Variants in SSBP2 observed in about 807,000 individuals in gnomAD.
SSBP2 encodes the protein single stranded DNA binding protein 2, also known as single-stranded DNA-binding protein 2.
SSBP2 carries 17 observed loss-of-function variants against 61.8 expected under a neutral mutation model. That is an observed-to-expected ratio of 0.28 (90% CI 0.19 to 0.41). The LOEUF (loss-of-function observed/expected upper bound fraction) is 0.41, where lower values mean the gene tolerates loss of function less well. SSBP2 is among the 10% of genes least tolerant of loss of function. The probability of loss-of-function intolerance (pLI) is 1.00; values close to 1 mark genes in which losing one functional copy is unlikely to be tolerated. For synonymous variants in SSBP2, 139 were observed against 141.3 expected (o/e 0.98, Z 0.12); for missense variants, 310 against 458.7 (o/e 0.68, Z 2.96).
At chr5:81,684,865 G>T (rs1167100272) in intron 1 of SSBP2, among the ~76,000 whole-genome samples, 9 of 152,098 alleles carry the variant, frequency 5.9e-5, no homozygotes, top group Non-Finnish European at 1.2e-4. Flanking sequence ...AGGGATAATT[G>T]TATTTAGCAA....
At position 81,656,455 on chromosome 5, in the gene SSBP2, A is replaced by C. The variant is rs370742415; in HGVS notation, c.63-6116T>G. On this transcript the variant is annotated intron_variant, in intron 1 of 16. Coordinates refer to ENST00000320672, the MANE Select transcript of SSBP2 (RefSeq NM_012446.5). ...AATAAAGGACATAACATATAGCCTT[A>C]TGTCAAGGCTAATATGTTTAATATA... is the stretch of plus-strand genomic sequence containing the variant. Among the ~76,000 whole-genome samples the C allele has an allele frequency of 3.9e-5, 6 of 152,348 alleles. No homozygotes were observed. The South Asian group carries it at 6.2e-4, about 16-fold the overall frequency.
intron 1 of SSBP2, among the ~76,000 whole-genome samples, chr5:81,677,228 A>G (rs112819084): frequency 3.9e-4 from 60 of 152,316 alleles, no homozygotes; most frequent in Non-Finnish European, 6.5e-4. Context: ...CCAGCATATA[A>G]GAAGCTTAGA....
intron 8 of SSBP2, among the ~76,000 whole-genome samples, chr5:81,467,716 C>T (rs542559692): frequency 6.6e-6 from 1 of 152,012 alleles, no homozygotes; most frequent in South Asian, 2.1e-4. Flanking sequence ...GACAAAAAGG[C>T]TAATTTTATC....
intron 5 of SSBP2, 112 bp from the exon 6 acceptor site, chr5:81,489,421 T>C (rs1196570349): frequency 2.2e-6 from 2 of 889,806 alleles, no homozygotes; most frequent in African/African-American, 1.8e-5. Context: ...CACAAATCAA[T>C]GTACTTTGAG....
intron 1 of SSBP2, among the ~76,000 whole-genome samples, chr5:81,674,740 A>C (rs1389291482): frequency 6.6e-6 from 1 of 151,456 alleles, no homozygotes; most frequent in East Asian, 1.9e-4. Flanking sequence ...TGAAAGGGAT[A>C]AATTACACTA....
At chr5:81,551,059 G>GCACTCCAC (rs1238628212) in intron 4 of SSBP2, among the ~76,000 whole-genome samples, 2 of 134,008 alleles carry the variant, frequency 1.5e-5, no homozygotes, top group East Asian at 4.2e-4. Context: ...TCACACCACT[G>GCACTCCAC]CACTCCACCC....
intron 6 of SSBP2, among the ~76,000 whole-genome samples, chr5:81,478,072 T>C (rs1482595954): frequency 1.3e-5 from 2 of 152,164 alleles, no homozygotes; most frequent in Non-Finnish European, 2.9e-5. Flanking sequence ...AAGTTATAAA[T>C]AAATGATGTA....
intron 1 of SSBP2, among the ~76,000 whole-genome samples, chr5:81,749,368 G>A (rs564884380): frequency 1.6e-3 from 244 of 152,258 alleles, no homozygotes; most frequent in African/African-American, 5.6e-3. Context: ...TATGGGAATT[G>A]AGTGTGTTGC....
intron 4 of SSBP2, among the ~76,000 whole-genome samples, chr5:81,600,891 A>G (rs541760729): frequency 2.6e-5 from 4 of 152,324 alleles, no homozygotes; most frequent in South Asian, 2.1e-4. Flanking sequence ...TGCCTTCTTT[A>G]TAACTTTTCA....
At chr5:81,486,170 A>C (rs1234961725) in intron 6 of SSBP2, among the ~76,000 whole-genome samples, 8 of 152,150 alleles carry the variant, frequency 5.3e-5, no homozygotes, top group Admixed American at 6.6e-5. Flanking sequence ...ACTATTTATG[A>C]TTCTTGAGGA....
At chr5:81,429,707 T>A (rs1420675999) in intron 15 of SSBP2, among the ~76,000 whole-genome samples, 3 of 152,198 alleles carry the variant, frequency 2.0e-5, no homozygotes, top group African/African-American at 4.8e-5. Context: ...GATTTTTTTT[T>A]AAAGAAAATT....
intron 16 of SSBP2, among the ~76,000 whole-genome samples, chr5:81,423,720 G>T (rs907123286): frequency 6.6e-6 from 1 of 151,988 alleles, no homozygotes; most frequent in Non-Finnish European, 1.5e-5. Flanking sequence ...ACTCTAGCCT[G>T]GGTGACAGAG....
intron 15 of SSBP2, among the ~76,000 whole-genome samples, chr5:81,433,104 G>T (rs944657172): frequency 7.9e-5 from 12 of 152,196 alleles, no homozygotes; most frequent in Middle Eastern, 6.8e-3. Context: ...CGTCTGGGAG[G>T]TGTACCCAAC....
At chr5:81,563,848 T>A (rs76891327) in intron 4 of SSBP2, among the ~76,000 whole-genome samples, 9,028 of 152,022 alleles carry the variant, frequency 0.059, 889 homozygotes, top group African/African-American at 0.2. Context: ...TTCATGGACA[T>A]GACACAAAAA....
chr5:81,547,904 T>C (rs1312182138), intron 4 of SSBP2, among the ~76,000 whole-genome samples: 2 of 151,976 alleles, frequency 1.3e-5, no homozygotes, highest in Admixed American at 6.6e-5. Context: ...TTGCCAATAG[T>C]TGGAGGAAGG....
At chr5:81,640,877 A>T (rs978406264) in intron 2 of SSBP2, among the ~76,000 whole-genome samples, 9 of 152,210 alleles carry the variant, frequency 5.9e-5, no homozygotes, top group Non-Finnish European at 1.3e-4. Context: ...CATAAGAATA[A>T]ATAAACCCTC....
chr5:81,563,416 T>C (rs1453429183), intron 4 of SSBP2, among the ~76,000 whole-genome samples: 3 of 152,034 alleles, frequency 2.0e-5, no homozygotes, highest in Admixed American at 6.5e-5. Context: ...AGAGAATACA[T>C]AGGAAAAAAT....
At chr5:81,596,211 C>G (rs1743732627) in intron 4 of SSBP2, among the ~76,000 whole-genome samples, 1 of 151,950 alleles carries the variant, frequency 6.6e-6, no homozygotes, top group Non-Finnish European at 1.5e-5. Context: ...AACAGAGAGC[C>G]AAATCATGAG....
At chr5:81,501,949 T>G (rs1312714732) in intron 5 of SSBP2, among the ~76,000 whole-genome samples, 1 of 152,052 alleles carries the variant, frequency 6.6e-6, no homozygotes, top group Admixed American at 6.6e-5. Flanking sequence ...TAGTTGCCAA[T>G]AGGGCTGTTT....
Sources: gnomAD v4.1 joint callset for allele counts (sites outside exome capture counted in the v4.1 genomes callset) on GRCh38, gnomAD v4.1.1 for gene constraint, MANE v1.5 for transcripts, NCBI Gene and HGNC (gene_info 2026-07-23, HGNC 2026-07-21) for gene names.